The following ACAA1 variants were observed in gnomAD, a reference collection of about 807,000 sequenced individuals.
The protein encoded by ACAA1 is 3-ketoacyl-CoA thiolase, peroxisomal.
ACAA1 carries 44 observed loss-of-function variants against 48.8 expected under a neutral mutation model. The observed-to-expected ratio is 0.90, with a 90% CI of 0.71 to 1.16. The LOEUF (loss-of-function observed/expected upper bound fraction) is 1.16. ACAA1 is among the 50% of genes most tolerant of loss of function. ACAA1 has a pLI of 0.00. For synonymous variants in ACAA1, 233 were observed against 226.5 expected, an observed-to-expected ratio of 1.03 and a Z score of -0.26; for missense variants, 512 against 562.3, an observed-to-expected ratio of 0.91 and a Z score of 0.90.
At chr3:38,125,362 C>A in intron 11 of ACAA1, 2 of 472,744 alleles carry the variant, frequency 4.2e-6, no homozygotes, top group Non-Finnish European at 7.0e-6. Context: ...TGTAACTGAA[C>A]AATCAAGATA....
In ACAA1 at chr3:38,137,052, G is replaced by T. The variant is rs1418818354; in HGVS notation, c.-17C>A. On this transcript the variant is annotated 5_prime_UTR_variant, in exon 1 of 12. Coordinates refer to ENST00000333167, the MANE Select transcript of ACAA1 (RefSeq NM_001607.4). ...CCTCTGCATTGCGCAGGTCAACCCT[G>T]CAGACCAGCCACCAGTCCGGGAACT... 7 of 1,541,148 alleles carry T rather than the reference G, an allele frequency of 4.5e-6. No homozygotes were observed. The highest frequency in any genetic ancestry group is 6.1e-6 in the Non-Finnish European group (7 of 1,147,302).
chr3:38,134,754 G>T (rs564943358), intron 2 of ACAA1, among the ~76,000 whole-genome samples: 1 of 152,268 alleles, frequency 6.6e-6, no homozygotes, highest in South Asian at 2.1e-4. Context: ...TATTAACCAG[G>T]GACATGATGC....
In ACAA1 at chr3:38,129,832, T is replaced by G. The variant is rs527758435; in HGVS notation, c.447-444A>C. Among the ~76,000 whole-genome samples, 7 of 152,116 alleles carry G rather than the reference T, an allele frequency of 4.6e-5. No individual in the cohort carries two copies. The highest frequency in any genetic ancestry group is 1.7e-4 in the African/African-American group (7 of 41,496). On this transcript the variant is annotated intron_variant, in intron 5 of 11. Coordinates refer to ENST00000333167, the MANE Select transcript of ACAA1 (RefSeq NM_001607.4). The surrounding 1 kb of genome is among the most constrained non-coding windows in gnomAD (Gnocchi z 5.3). ...GGCTCACGCCTGTAATCCCAGCACT[T>G]TGGGAGGCCAAGGCGGGCAGATCAT...
chr3:38,136,919 C>T lies in ACAA1; in HGVS notation c.117G>A (p.Val39=), dbSNP rs545918909. The stretch of plus-strand genomic sequence containing the variant: ...TGGCCGTGCGCCGCCCGTGCACCAC[C>T]ACCACGTCCGCGGCCGAGGCCTGCG... ...GAPQASAADV[V]VVHGRRTAIC... The change falls in exon 1 of 12, where the codon GTG becomes GTA. Residue 39 remains valine (V), a synonymous_variant. Transcript: ENST00000333167. 2.6e-6 allele frequency: 4 copies of T among 1,538,274 alleles called. No homozygotes were observed. Among genetic ancestry groups the T allele is most frequent in the Non-Finnish European group, 2.6e-6 (3 of 1,145,190 alleles).
chr3:38,131,544 A>C (rs1700788842), intron 5 of ACAA1, 52 bp downstream of exon 5: 3 of 1,579,124 alleles, frequency 1.9e-6, no homozygotes, highest in Non-Finnish European at 2.6e-6. Flanking sequence ...GATGAAAATT[A>C]GTTTTATTGT....
chr3:38,126,574 G>A lies in ACAA1; in HGVS notation c.753C>T (p.Ser251=). 3 of 1,614,208 alleles carry A rather than the reference G, an allele frequency of 1.9e-6. No individual in the cohort carries two copies. The highest frequency in any genetic ancestry group is 1.3e-5 in the African/African-American group (1 of 75,050). ...TVTQDEGIRP[S]TTMEGLAKLK... ...GTTTGGCCAGGCCCTCCATGGTGGT[G>A]CTGGGGCGGATACCCTCATCCTGGG... The change falls in exon 8 of 12, where the codon AGC becomes AGT. Residue 251 remains serine (S), a synonymous_variant. Transcript: ENST00000333167. This position sits in a 1 kb window ranked among gnomAD's most constrained non-coding sequence, Gnocchi z 4.7.
At chr3:38,131,521 C>T in intron 5 of ACAA1, 75 bp downstream of exon 5, 1 of 1,480,162 alleles carries the variant, frequency 6.8e-7, no homozygotes, top group Non-Finnish European at 9.5e-7. Context: ...AAATCATGGC[C>T]TCTGAGAACT....
Position 38,129,335 on chromosome 3 carries a change from C to T in ACAA1, c.500G>A (p.Arg167His), listed in dbSNP as rs780291309. 4.8e-5 allele frequency: 77 copies of T among 1,614,026 alleles called. No homozygotes were observed. Among genetic ancestry groups the T allele is most frequent in the Non-Finnish European group, 6.1e-5 (72 of 1,180,028 alleles). The change falls in exon 6 of 12, where the codon CGC becomes CAC. Residue 167 changes from arginine to histidine, a missense_variant. Arg to His is a conservative substitution (Grantham distance 29). Coordinates refer to ENST00000333167, the MANE Select transcript of ACAA1 (RefSeq NM_001607.4). The surrounding 1 kb of genome is among the most constrained non-coding windows in gnomAD (Gnocchi z 5.3). ...DRGNPGNITSRLMEKEKARDC... is the reference protein window; with the variant it reads ...DRGNPGNITSHLMEKEKARDC... ...TCTGGCCTTCTCCTTCTCCATCAAG[C>T]GCGAAGTAATATTTCCAGGGTTCCC...
chr3:38,134,464 G>A, intron 2 of ACAA1: 1 of 458,408 alleles, frequency 2.2e-6, no homozygotes, highest in South Asian at 1.6e-5. Context: ...GTGGAATAGA[G>A]GGCTGGACTG....
chr3:38,137,103 C>A lies in ACAA1; in HGVS notation c.-68G>T. On this transcript the variant is annotated 5_prime_UTR_variant, in exon 1 of 12. Coordinates refer to ENST00000333167, the MANE Select transcript of ACAA1 (RefSeq NM_001607.4). ...GACCGCGGAGTTAACAGACAGCCGTCCGCACACGCGCAGAACCACATCTCA... is the reference window on the plus strand; with the variant it reads ...GACCGCGGAGTTAACAGACAGCCGTACGCACACGCGCAGAACCACATCTCA... 2.3e-6 allele frequency: 3 copies of A among 1,306,516 alleles called. No homozygotes were observed. The highest frequency in any genetic ancestry group is 3.1e-6 in the Non-Finnish European group (3 of 964,292). 80.9% of individuals were successfully genotyped at this position (1,306,516 alleles called of 1,614,324 possible).
chr3:38,135,562 T>C (rs1040327841), intron 2 of ACAA1, among the ~76,000 whole-genome samples: 1 of 152,160 alleles, frequency 6.6e-6, no homozygotes, highest in Non-Finnish European at 1.5e-5. Context: ...TGTGCCTGGA[T>C]GTGCACATAG....
intron 7 of ACAA1, among the ~76,000 whole-genome samples, chr3:38,127,433 C>T (rs989180409): frequency 7.9e-5 from 12 of 152,168 alleles, no homozygotes; most frequent in Non-Finnish European, 1.5e-5. Context: ...GATGCTGCCA[C>T]AGACCCAGCA....
In ACAA1 at chr3:38,127,816, T is replaced by G; in HGVS notation, c.596A>C (p.Gln199Pro). Residue 199 changes from glutamine (Q) to proline (P), a missense_variant, in exon 7 of 12, where the codon CAG (glutamine) becomes CCG (proline). By Grantham distance (76) the Gln-to-Pro change is moderately conservative. Coordinates refer to ENST00000333167, the MANE Select transcript of ACAA1 (RefSeq NM_001607.4). ...AERFGISREK[Q>P]DTFALASQQK... ...CTGGGAAGCCAGGGCAAAGGTATCC[T>G]GCTTCTCCCGTGAAATGCCAAACCG... is the stretch of plus-strand genomic sequence containing the variant. 1 of 1,614,148 alleles carries G rather than the reference T, an allele frequency of 6.2e-7. No individual in the cohort carries two copies. Among genetic ancestry groups the G allele is most frequent in the Non-Finnish European group, 8.5e-7 (1 of 1,180,026 alleles).
rs1443709733 is a variant in ACAA1, at chr3:38,122,787, T to G, written c.*260A>C. ...TTTGCCTTGCCTTAAGAATTAACCATGGCCTTGTGGCCTGGGTGACCCAGG... is the reference window on the plus strand; with the variant it reads ...TTTGCCTTGCCTTAAGAATTAACCAGGGCCTTGTGGCCTGGGTGACCCAGG... On this transcript the variant is annotated 3_prime_UTR_variant, in exon 12 of 12. Coordinates refer to ENST00000333167, the MANE Select transcript of ACAA1 (RefSeq NM_001607.4). 4 of 1,090,472 alleles carry G rather than the reference T, an allele frequency of 3.7e-6. No individual in the cohort carries two copies. The African/African-American group carries it at 4.8e-5, about 13-fold the overall frequency. The allele number at this position is 1,090,472 out of a possible 1,614,324, so 67.5% of individuals were successfully genotyped here. A position where few individuals can be genotyped will look rare whatever the true frequency, so the allele number is the denominator to read the frequency against.
chr3:38,127,942 T>C (rs1256004932), intron 6 of ACAA1, 76 bp from the exon 7 acceptor site: 6 of 1,508,960 alleles, frequency 4.0e-6, no homozygotes, highest in Non-Finnish European at 5.5e-6. Context: ...AGAGCTGTGC[T>C]TGGAACTTTG....
intron 1 of ACAA1, 89 bp from the exon 2 acceptor site, chr3:38,136,774 C>T: frequency 6.7e-7 from 1 of 1,486,116 alleles, no homozygotes; most frequent in Admixed American, 2.5e-5. Flanking sequence ...GCGGAGCTGC[C>T]TCCGGCGTCC....
intron 6 of ACAA1, among the ~76,000 whole-genome samples, chr3:38,128,988 T>C (rs1173563820): frequency 6.6e-6 from 1 of 152,214 alleles, no homozygotes; most frequent in East Asian, 1.9e-4. Context: ...CTCAACTTTC[T>C]AGGCCCCCAA....
At chr3:38,130,754 A>C (rs554106240) in intron 5 of ACAA1, among the ~76,000 whole-genome samples, 53 of 152,364 alleles carry the variant, frequency 3.5e-4, no homozygotes, top group Non-Finnish European at 5.7e-4. Context: ...GTCCTTGCAG[A>C]GTGGTCTTTG....
intron 11 of ACAA1, 191 bp from the exon 12 acceptor site, chr3:38,123,313 T>A: frequency 1.7e-6 from 1 of 597,292 alleles, no homozygotes; most frequent in Non-Finnish European, 3.0e-6. Context: ...CTAGTATCCC[T>A]TTCAAGGCTG....
Sources: gnomAD v4.1 joint callset for allele counts (sites outside exome capture counted in the v4.1 genomes callset) on GRCh38, gnomAD v4.1.1 for gene constraint, Gnocchi (gnomAD v3.1) non-coding constraint, MANE v1.5 for transcripts, NCBI Gene and HGNC (gene_info 2026-07-23, HGNC 2026-07-21) for gene names.